The following ADGRL3 variants were observed in gnomAD, a reference collection of about 807,000 sequenced individuals.
The protein encoded by ADGRL3 is adhesion G protein-coupled receptor L3.
Under a neutral mutation model 153.5 loss-of-function variants are expected in ADGRL3, and 62 were observed. The observed-to-expected ratio is 0.40, with a 90% CI of 0.33 to 0.50. The LOEUF is 0.50. Ranked by LOEUF, ADGRL3 falls within the 20% of genes least tolerant of loss-of-function variation. The pLI, the probability that ADGRL3 is intolerant of heterozygous loss-of-function variation, is 0.47. For missense variants in ADGRL3, 1,641 were observed against 1,859.4 expected, an observed-to-expected ratio of 0.88 and a Z score of 2.16; for synonymous variants, 710 against 672.5, an observed-to-expected ratio of 1.06 and a Z score of -0.86.
At chr4:62,054,593 GA>G (rs1736003716) in intron 25 of ADGRL3, among the ~76,000 whole-genome samples, 1 of 151,320 alleles carries the variant, frequency 6.6e-6, no homozygotes, top group Admixed American at 6.6e-5. Context: ...TTAGATTAAA[GA>G]GGGAGTTTTT....
rs149372104 is a variant in ADGRL3 at position 61,466,912 on chromosome 4, T to C, written c.-173-30209T>C. On this transcript the variant is annotated intron_variant, in intron 2 of 26. Coordinates refer to ENST00000683033, the MANE Select transcript of ADGRL3 (RefSeq NM_001387552.1). Reference sequence around the variant, plus strand: ...GATGCTGATACCTAAATTATAAAACTATTGTTAAGATTTAATGAAAAAAAT... The same window carrying C: ...GATGCTGATACCTAAATTATAAAACCATTGTTAAGATTTAATGAAAAAAAT... Among the ~76,000 whole-genome samples, 35 of 152,226 alleles carry C rather than the reference T, an allele frequency of 2.3e-4. 1 individual carries two copies. The East Asian group carries it at 5.6e-3, about 24-fold the overall frequency.
chr4:61,729,181 A>T (rs894241739), intron 6 of ADGRL3, among the ~76,000 whole-genome samples: 1 of 151,946 alleles, frequency 6.6e-6, no homozygotes, highest in African/African-American at 2.4e-5. Context: ...ACAAACCTGT[A>T]CATGTACCCC....
intron 8 of ADGRL3, among the ~76,000 whole-genome samples, chr4:61,743,434 T>A (rs1267121449): frequency 2.6e-5 from 4 of 152,102 alleles, no homozygotes; most frequent in Admixed American, 2.6e-4. Context: ...CTGAAAATTA[T>A]CTCTAATGCT....
At chr4:62,009,524 A>G (rs1211062472) in intron 21 of ADGRL3, among the ~76,000 whole-genome samples, 1 of 152,190 alleles carries the variant, frequency 6.6e-6, no homozygotes, top group Non-Finnish European at 1.5e-5. Flanking sequence ...GGTTATATAT[A>G]GAGAAAAAAG....
At chr4:61,302,203 G>A (rs921445981) in intron 1 of ADGRL3, among the ~76,000 whole-genome samples, 1 of 152,084 alleles carries the variant, frequency 6.6e-6, no homozygotes. Flanking sequence ...GTGGGCCTTT[G>A]ATTTTATTGA....
At chr4:61,929,798 G>A (rs945415559) in intron 13 of ADGRL3, among the ~76,000 whole-genome samples, 8 of 152,010 alleles carry the variant, frequency 5.3e-5, no homozygotes, top group African/African-American at 1.2e-4. Flanking sequence ...TCCCCTCCCC[G>A]CCCCCCAGTT....
chr4:61,227,744 A>C (rs1210342967), intron 1 of ADGRL3, among the ~76,000 whole-genome samples: 2 of 152,198 alleles, frequency 1.3e-5, no homozygotes, highest in African/African-American at 4.8e-5. Context: ...AAAGGGTAAT[A>C]AGCCATTATT....
Position 61,200,619 on chromosome 4 carries a change from T to C in ADGRL3, c.-1386T>C, listed in dbSNP as rs115658752. 0.022 allele frequency among the ~76,000 whole-genome samples: 3,278 copies of C among 151,476 alleles called. 114 individuals carry two copies. Among genetic ancestry groups the C allele is most frequent in the African/African-American group, 0.07 (2,905 of 41,238 alleles). On this transcript the variant is annotated 5_prime_UTR_variant, in exon 1 of 27. Transcript: ENST00000683033. ...TGTGACTCGCCCCCTCCCCTTTCTTTCTTCTCTTTTTGCCTTGGTCCTCTT... is the reference window on the plus strand; with the variant it reads ...TGTGACTCGCCCCCTCCCCTTTCTTCCTTCTCTTTTTGCCTTGGTCCTCTT...
At chr4:61,240,338 T>A (rs1455661856) in intron 1 of ADGRL3, among the ~76,000 whole-genome samples, 1 of 152,110 alleles carries the variant, frequency 6.6e-6, no homozygotes, top group African/African-American at 2.4e-5. Context: ...TACTGTCACA[T>A]TGGGTCTTAG....
At chr4:61,917,617 T>G (rs2098750716) in intron 13 of ADGRL3, among the ~76,000 whole-genome samples, 1 of 149,436 alleles carries the variant, frequency 6.7e-6, no homozygotes, top group African/African-American at 2.6e-5. Context: ...ACACATGTGA[T>G]TTTCTGTCTT....
chr4:61,712,568 A>T (rs1043597253), intron 6 of ADGRL3, among the ~76,000 whole-genome samples: 2 of 152,196 alleles, frequency 1.3e-5, no homozygotes, highest in African/African-American at 4.8e-5. Context: ...TTGTATGTAA[A>T]GTGCTCAGTA....
chr4:61,270,892 A>T (rs931273626), intron 1 of ADGRL3, among the ~76,000 whole-genome samples: 3 of 151,694 alleles, frequency 2.0e-5, no homozygotes, highest in Non-Finnish European at 3.0e-5. Flanking sequence ...AAAGGGTAAT[A>T]TTCATATGGC....
At chr4:61,890,477 G>C (rs1356669496) in intron 9 of ADGRL3, among the ~76,000 whole-genome samples, 1 of 151,306 alleles carries the variant, frequency 6.6e-6, no homozygotes, top group Non-Finnish European at 1.5e-5. Flanking sequence ...TCTTCCTGCT[G>C]CATCATCCCA....
intron 6 of ADGRL3, among the ~76,000 whole-genome samples, chr4:61,711,245 A>C (rs947482126): frequency 1.3e-5 from 2 of 151,768 alleles, no homozygotes; most frequent in Non-Finnish European, 2.9e-5. Context: ...ATGTGACCAA[A>C]TTGTATTTGC....
intron 4 of ADGRL3, among the ~76,000 whole-genome samples, chr4:61,578,578 C>A (rs1298529403): frequency 1.3e-5 from 2 of 151,912 alleles, no homozygotes; most frequent in Non-Finnish European, 2.9e-5. Flanking sequence ...GAGCTATATT[C>A]TGTGTCTAAT....
rs1348587228 is a variant in ADGRL3 at position 62,074,849 on chromosome 4, T to C, written c.*3941T>C. ...CTTATTAGTATTAACTTAATTGGTATGACAAAACTTTTCATAATAGATATA... is the reference window on the plus strand; with the variant it reads ...CTTATTAGTATTAACTTAATTGGTACGACAAAACTTTTCATAATAGATATA... On this transcript the variant is annotated 3_prime_UTR_variant, in exon 27 of 27. Transcript: ENST00000683033. 6.6e-6 allele frequency: 1 copy of C among 152,182 alleles called. No homozygotes were observed. Among genetic ancestry groups the C allele is most frequent in the African/African-American group, 2.4e-5 (1 of 41,458 alleles). 9.4% of individuals were successfully genotyped at this position (152,182 alleles called of 1,614,324 possible).
intron 17 of ADGRL3, among the ~76,000 whole-genome samples, chr4:61,950,403 A>C (rs565521573): frequency 6.6e-6 from 1 of 152,336 alleles, no homozygotes; most frequent in East Asian, 1.9e-4. Context: ...TTAATGTATT[A>C]GCCAGAAAAG....
intron 2 of ADGRL3, among the ~76,000 whole-genome samples, chr4:61,493,281 TA>T (rs2152792359): frequency 6.6e-6 from 1 of 152,252 alleles, no homozygotes; most frequent in South Asian, 2.1e-4. Context: ...TAATAGCTTT[TA>T]TTCTTATAAA....
chr4:61,615,950 A>G (rs1037462934), intron 5 of ADGRL3, among the ~76,000 whole-genome samples: 6 of 152,126 alleles, frequency 3.9e-5, no homozygotes, highest in African/African-American at 1.4e-4. Flanking sequence ...TATAATGAGT[A>G]GGGAAGTTTG....
Sources: allele counts gnomAD v4.1 joint callset (sites outside exome capture counted in the v4.1 genomes callset), GRCh38; gene constraint gnomAD v4.1.1; transcripts MANE v1.5; gene names NCBI Gene and HGNC (gene_info 2026-07-23, HGNC 2026-07-21).